Variants in PIP5K1B observed in about 807,000 individuals in gnomAD.
PIP5K1B encodes the protein phosphatidylinositol-4-phosphate 5-kinase type 1 beta, also known as phosphatidylinositol 4-phosphate 5-kinase type-1 beta.
Under a neutral mutation model 67.0 loss-of-function variants are expected in PIP5K1B, and 42 were observed. The observed-to-expected ratio is 0.63, with a 90% CI of 0.49 to 0.81. The LOEUF is 0.81. Among genes scored for constraint, PIP5K1B ranks in the 30% least tolerant of loss-of-function variants. The pLI is 0.00. For synonymous variants in PIP5K1B, 214 were observed against 231.4 expected (o/e 0.92, Z 0.68); for missense variants, 459 against 646.3 (o/e 0.71, Z 3.14).
At chr9:68,766,299 G>A (rs1350466515) in intron 2 of PIP5K1B, among the ~76,000 whole-genome samples, 1 of 151,938 alleles carries the variant, frequency 6.6e-6, no homozygotes. Context: ...TCTCTTATAA[G>A]CAAAAACTAT....
intron 6 of PIP5K1B, among the ~76,000 whole-genome samples, chr9:68,879,188 A>C (rs74983170): frequency 0.016 from 2,378 of 152,326 alleles, 64 homozygotes; most frequent in African/African-American, 0.052. Context: ...CTTTTAGAAG[A>C]TATACTGAAA....
intron 1 of PIP5K1B, among the ~76,000 whole-genome samples, chr9:68,720,442 T>TCA (rs1251538826): frequency 1.3e-5 from 2 of 152,172 alleles, no homozygotes; most frequent in African/African-American, 4.8e-5. Context: ...AGCTGTGCAG[T>TCA]CACCTTTTAA....
chr9:68,781,453 G>A (rs972997622), intron 2 of PIP5K1B: 2 of 175,980 alleles, frequency 1.1e-5, no homozygotes, highest in African/African-American at 4.8e-5. Context: ...GTTATTTTCA[G>A]TGGTTGCCGA....
chr9:68,745,417 T>C (rs1299746412), intron 2 of PIP5K1B, among the ~76,000 whole-genome samples: 1 of 152,230 alleles, frequency 6.6e-6, no homozygotes, highest in Non-Finnish European at 1.5e-5. Flanking sequence ...AAACTGCATC[T>C]AGGCCTGGCA....
intron 7 of PIP5K1B, among the ~76,000 whole-genome samples, chr9:68,891,633 T>G: frequency 6.6e-6 from 1 of 152,176 alleles, no homozygotes; most frequent in Non-Finnish European, 1.5e-5. Context: ...ATTCTGGCAC[T>G]GAGTCTTGAG....
At chr9:68,882,130 A>G (rs894071436) in intron 6 of PIP5K1B, among the ~76,000 whole-genome samples, 2 of 152,236 alleles carry the variant, frequency 1.3e-5, no homozygotes, top group African/African-American at 4.8e-5. Context: ...AACAGCTTGC[A>G]CAGATGACAA....
chr9:68,927,404 C>G (rs1398661857), intron 12 of PIP5K1B, among the ~76,000 whole-genome samples: 1 of 152,214 alleles, frequency 6.6e-6, no homozygotes, highest in African/African-American at 2.4e-5. Flanking sequence ...TATACGAGTT[C>G]CAGTTTCTCT....
intron 4 of PIP5K1B, among the ~76,000 whole-genome samples, chr9:68,829,991 G>A (rs1262141418): frequency 6.6e-6 from 1 of 152,120 alleles, no homozygotes; most frequent in Non-Finnish European, 1.5e-5. Context: ...GGCATGGGAG[G>A]TGAGCTGACA....
intron 2 of PIP5K1B, chr9:68,783,533 T>C (rs751950429): frequency 3.6e-5 from 6 of 166,960 alleles, no homozygotes; most frequent in Non-Finnish European, 8.8e-5. Context: ...TGTTAACAAC[T>C]TGATATCTAT....
chr9:68,950,428 C>T (rs1391459608), intron 14 of PIP5K1B, among the ~76,000 whole-genome samples: 1 of 152,220 alleles, frequency 6.6e-6, no homozygotes, highest in East Asian at 1.9e-4. Flanking sequence ...TGGCCAGCAG[C>T]CTCACACAGG....
intron 2 of PIP5K1B, among the ~76,000 whole-genome samples, chr9:68,800,305 G>A (rs1348247122): frequency 1.3e-5 from 2 of 152,194 alleles, no homozygotes; most frequent in African/African-American, 4.8e-5. Flanking sequence ...GGTAGACCTT[G>A]CCTTTCGAAT....
chr9:68,973,985 C>T (rs1370226174), intron 14 of PIP5K1B, among the ~76,000 whole-genome samples: 4 of 152,220 alleles, frequency 2.6e-5, no homozygotes, highest in African/African-American at 9.6e-5. Context: ...TCAAGCGATC[C>T]TCCCACCTCA....
chr9:69,008,521 C>T lies in PIP5K1B; in HGVS notation c.*72C>T. ...TTATGGCAGAGAAGTTTCTCCGCAC[C>T]AGAATTATCCACAGCAACTTGGCTG... On this transcript the variant is annotated 3_prime_UTR_variant, in exon 16 of 16. Transcript: ENST00000265382. 6.9e-7 allele frequency: 1 copy of T among 1,448,514 alleles called. No homozygotes were observed. 89.7% of individuals were successfully genotyped at this position (1,448,514 alleles called of 1,614,324 possible).
chr9:68,937,081 T>C (rs560791178), intron 13 of PIP5K1B, among the ~76,000 whole-genome samples: 1 of 152,310 alleles, frequency 6.6e-6, no homozygotes, highest in Non-Finnish European at 1.5e-5. Flanking sequence ...CTTTTTTTGC[T>C]GTGTCTCTGC....
chr9:68,775,525 A>C (rs1830872043), intron 2 of PIP5K1B, among the ~76,000 whole-genome samples: 1 of 152,194 alleles, frequency 6.6e-6, no homozygotes, highest in South Asian at 2.1e-4. Flanking sequence ...GGCAGGGAGC[A>C]TAGACAGCAT....
chr9:69,001,185 G>A (rs11144719), intron 15 of PIP5K1B, among the ~76,000 whole-genome samples: 54,309 of 151,676 alleles, frequency 0.36, 9,813 homozygotes, highest in Non-Finnish European at 0.38. Flanking sequence ...AGGATTACAG[G>A]TGTGAGCCAC....
intron 7 of PIP5K1B, among the ~76,000 whole-genome samples, chr9:68,890,469 T>C (rs1452430351): frequency 2.0e-5 from 3 of 152,222 alleles, no homozygotes; most frequent in African/African-American, 7.2e-5. Flanking sequence ...ATATCATCTT[T>C]GTTTTTAAAA....
intron 1 of PIP5K1B, among the ~76,000 whole-genome samples, chr9:68,716,427 G>A (rs1827636396): frequency 6.6e-6 from 1 of 152,154 alleles, no homozygotes. Flanking sequence ...GAAGTTAGTT[G>A]GAGGCTAAAG....
intron 15 of PIP5K1B, among the ~76,000 whole-genome samples, chr9:68,998,092 A>G (rs529182351): frequency 5.4e-4 from 69 of 126,934 alleles, no homozygotes; most frequent in Non-Finnish European, 9.3e-4. Context: ...TTTGTTTTTC[A>G]GACAGGATAT....
Sources: allele counts gnomAD v4.1 joint callset (sites outside exome capture counted in the v4.1 genomes callset), GRCh38; gene constraint gnomAD v4.1.1; transcripts MANE v1.5; gene names NCBI Gene and HGNC (gene_info 2026-07-23, HGNC 2026-07-21).